The following CSMD1 variants were observed in gnomAD, a reference collection of about 807,000 sequenced individuals.
The protein encoded by CSMD1 is CUB and Sushi multiple domains 1.
A neutral mutation model predicts 417.5 loss-of-function variants in CSMD1; 213 were observed. That is an observed-to-expected ratio of 0.51 (90% CI 0.46 to 0.57). The LOEUF (loss-of-function observed/expected upper bound fraction) is 0.57, where lower values mean the gene tolerates loss of function less well. Ranked by LOEUF, CSMD1 falls within the 20% of genes least tolerant of loss-of-function variation. The pLI is 0.00. For synonymous variants in CSMD1, 2,862 were observed against 1,736.8 expected, an observed-to-expected ratio of 1.65 and a Z score of -16.11; for missense variants, 6,923 against 4,529.7, an observed-to-expected ratio of 1.53 and a Z score of -15.17.
At chr8:3,244,557 C>G (rs73185542) in intron 26 of CSMD1, among the ~76,000 whole-genome samples, 4 of 152,156 alleles carry the variant, frequency 2.6e-5, no homozygotes, top group East Asian at 1.9e-4. Flanking sequence ...TAACCTAGGT[C>G]GCTGCAGACA....
chr8:3,954,308 C>A (rs1811784039), intron 5 of CSMD1, among the ~76,000 whole-genome samples: 1 of 152,172 alleles, frequency 6.6e-6, no homozygotes, highest in African/African-American at 2.4e-5. Flanking sequence ...GAGACCAGGG[C>A]ATGCACGCGA....
intron 5 of CSMD1, among the ~76,000 whole-genome samples, chr8:3,906,438 C>T (rs1406244084): frequency 6.6e-6 from 1 of 151,992 alleles, no homozygotes; most frequent in Non-Finnish European, 1.5e-5. Context: ...ATGTTTAATG[C>T]CTTAGAAATC....
intron 6 of CSMD1, among the ~76,000 whole-genome samples, chr8:3,725,798 A>T (rs1802457248): frequency 6.6e-6 from 1 of 152,118 alleles, no homozygotes; most frequent in Non-Finnish European, 1.5e-5. Context: ...TTGATCTAGG[A>T]ATCTTTCAAG....
chr8:4,977,258 T>C (rs144002515), intron 1 of CSMD1, among the ~76,000 whole-genome samples: 22 of 152,300 alleles, frequency 1.4e-4, no homozygotes, highest in African/African-American at 5.3e-4. Context: ...AAACTCTTTC[T>C]GCAAAGGTAA....
At chr8:4,436,912 C>G (rs531492142) in intron 2 of CSMD1, among the ~76,000 whole-genome samples, 1 of 152,256 alleles carries the variant, frequency 6.6e-6, no homozygotes, top group African/African-American at 2.4e-5. Context: ...TTTATCCATT[C>G]ATCTGTTGAT....
chr8:4,733,260 C>A (rs539178932), intron 1 of CSMD1, among the ~76,000 whole-genome samples: 1 of 152,242 alleles, frequency 6.6e-6, no homozygotes, highest in South Asian at 2.1e-4. Context: ...ATTTGAGAAA[C>A]ATCAACAATA....
intron 3 of CSMD1, among the ~76,000 whole-genome samples, chr8:4,281,549 G>A (rs1408994027): frequency 1.3e-5 from 2 of 152,294 alleles, no homozygotes; most frequent in East Asian, 1.9e-4. Flanking sequence ...CCTTTAAAAT[G>A]TTGTGACAAA....
At chr8:3,601,208 T>C (rs112401389) in intron 8 of CSMD1, among the ~76,000 whole-genome samples, 29 of 152,344 alleles carry the variant, frequency 1.9e-4, no homozygotes, top group African/African-American at 6.5e-4. Flanking sequence ...GAGCTGCTCA[T>C]TGGCCTCACA....
At chr8:3,926,112 C>CACACACACACACAAACACCAT (rs1563218429) in intron 5 of CSMD1, among the ~76,000 whole-genome samples, 7 of 90,746 alleles carry the variant, frequency 7.7e-5, no homozygotes, top group South Asian at 5.7e-4. Context: ...CACACACACA[C>CACACACACACACAAACACCAT]ACACACACAC....
chr8:3,780,180 T>A (rs1434358313), intron 5 of CSMD1, among the ~76,000 whole-genome samples: 1 of 152,222 alleles, frequency 6.6e-6, no homozygotes, highest in Non-Finnish European at 1.5e-5. Flanking sequence ...TATGACAGGT[T>A]AAAAGTTAAA....
chr8:3,400,724 C>G (rs1811988356), intron 15 of CSMD1, among the ~76,000 whole-genome samples: 1 of 151,652 alleles, frequency 6.6e-6, no homozygotes, highest in Non-Finnish European at 1.5e-5. Flanking sequence ...AAATTTTATT[C>G]AGTGAACACG....
intron 27 of CSMD1, among the ~76,000 whole-genome samples, chr8:3,225,227 T>C (rs938631614): frequency 1.7e-4 from 26 of 152,276 alleles, no homozygotes; most frequent in African/African-American, 6.3e-4. Context: ...AAATAACAAC[T>C]AACTCCAGTA....
intron 1 of CSMD1, among the ~76,000 whole-genome samples, chr8:4,987,933 C>T (rs1811266229): frequency 6.6e-6 from 1 of 152,200 alleles, no homozygotes; most frequent in South Asian, 2.1e-4. Context: ...GGACTTTAGG[C>T]CACAGGCTGA....
chr8:3,743,661 G>C (rs1051026025), intron 6 of CSMD1, among the ~76,000 whole-genome samples: 1 of 152,136 alleles, frequency 6.6e-6, no homozygotes, highest in East Asian at 1.9e-4. Context: ...GTGATTACAA[G>C]ATGAAAAGCT....
intron 1 of CSMD1, among the ~76,000 whole-genome samples, chr8:4,878,087 G>A (rs1299294288): frequency 6.6e-6 from 1 of 152,076 alleles, no homozygotes; most frequent in South Asian, 2.1e-4. Flanking sequence ...CATTGTCTGA[G>A]TATGTGACCA....
chr8:3,817,967 G>C (rs1003782233), intron 5 of CSMD1, among the ~76,000 whole-genome samples: 17 of 152,090 alleles, frequency 1.1e-4, no homozygotes, highest in African/African-American at 4.1e-4. Flanking sequence ...GGTATCTTTG[G>C]TATACTTACT....
chr8:3,855,805 TA>T (rs1804263707), intron 5 of CSMD1, among the ~76,000 whole-genome samples: 1 of 152,214 alleles, frequency 6.6e-6, no homozygotes, highest in Non-Finnish European at 1.5e-5. Context: ...GTAGAATTTT[TA>T]CTAGTAGGGT....
At chr8:3,170,043 C>G (rs1180285207) in intron 37 of CSMD1, among the ~76,000 whole-genome samples, 1 of 152,232 alleles carries the variant, frequency 6.6e-6, no homozygotes, top group Non-Finnish European at 1.5e-5. Flanking sequence ...GACACAAGTG[C>G]AGGAGTCGCG....
chr8:3,886,042 TAC>T (rs1180915600), intron 5 of CSMD1, among the ~76,000 whole-genome samples: 8 of 151,884 alleles, frequency 5.3e-5, no homozygotes, highest in Non-Finnish European at 8.8e-5. Flanking sequence ...TATATATATA[TAC>T]AGACACATTT....
Sources: allele counts gnomAD v4.1 joint callset (sites outside exome capture counted in the v4.1 genomes callset), GRCh38; gene constraint gnomAD v4.1.1; transcripts MANE v1.5; gene names NCBI Gene and HGNC (gene_info 2026-07-23, HGNC 2026-07-21).